Variants in MGARP observed in about 807,000 individuals in gnomAD.
The protein encoded by MGARP is mitochondria localized glutamic acid rich protein, also known as protein MGARP.
A neutral mutation model predicts 11.0 loss-of-function variants in MGARP; 12 were observed. That is an observed-to-expected ratio of 1.09 (90% confidence interval 0.70 to 1.77). The LOEUF (loss-of-function observed/expected upper bound fraction) is 1.77. Among genes scored for constraint, MGARP ranks in the 40% most tolerant of loss-of-function variants. The probability of loss-of-function intolerance (pLI) is 0.00; values close to 1 mark genes in which losing one functional copy is unlikely to be tolerated. For missense variants in MGARP, 283 were observed against 297.8 expected (o/e 0.95, Z 0.36); for synonymous variants, 110 against 115.4 (o/e 0.95, Z 0.30).
intron 1 of MGARP, among the ~76,000 whole-genome samples, chr4:139,279,050 G>A (rs910226089): frequency 2.6e-5 from 4 of 152,104 alleles, no homozygotes; most frequent in Admixed American, 2.0e-4. Flanking sequence ...ATCTCGGAAG[G>A]CTCAGAAAGT....
intron 1 of MGARP, among the ~76,000 whole-genome samples, chr4:139,276,148 C>T (rs983793592): frequency 1.3e-5 from 2 of 152,128 alleles, no homozygotes; most frequent in Admixed American, 1.3e-4. Flanking sequence ...ATATACAACT[C>T]AAATTCTTTA....
At chr4:139,272,744 TG>T in intron 2 of MGARP, among the ~76,000 whole-genome samples, 1 of 143,130 alleles carries the variant, frequency 7.0e-6, no homozygotes, top group Non-Finnish European at 1.5e-5. Flanking sequence ...CTGAGTGCAG[TG>T]GTGCAATCTT....
intron 2 of MGARP, among the ~76,000 whole-genome samples, chr4:139,273,180 C>T (rs141467054): frequency 4.9e-4 from 74 of 152,102 alleles, no homozygotes; most frequent in Middle Eastern, 3.4e-3. Flanking sequence ...GGATTATAGG[C>T]GTAAGCCACC....
intron 1 of MGARP, among the ~76,000 whole-genome samples, chr4:139,278,818 A>G (rs985751324): frequency 6.6e-6 from 1 of 152,234 alleles, no homozygotes; most frequent in Non-Finnish European, 1.5e-5. Context: ...AATAAAGGCA[A>G]TAAAGATCTA....
At chr4:139,272,728 C>T (rs1744804117) in intron 2 of MGARP, among the ~76,000 whole-genome samples, 1 of 137,008 alleles carries the variant, frequency 7.3e-6, no homozygotes, top group Non-Finnish European at 1.5e-5. Context: ...CACTCTGTCA[C>T]CCAGGCTGAG....
chr4:139,275,209 G>T, intron 2 of MGARP, 80 bp downstream of exon 2: 1 of 1,112,004 alleles, frequency 9.0e-7, no homozygotes, highest in Non-Finnish European at 1.4e-6. Flanking sequence ...CTCATGTCCT[G>T]ATCTTGACGT....
At position 139,272,976 on chromosome 4, in the gene MGARP, G is replaced by A. The variant is rs1457167252; in HGVS notation, c.186+2313C>T. Among the ~76,000 whole-genome samples, 4 of 151,936 alleles carry A rather than the reference G, an allele frequency of 2.6e-5. No homozygotes were observed. In the East Asian group the frequency reaches 5.8e-4, roughly 22 times the overall value. Reference sequence around the variant, plus strand: ...ACTGGGTTTACAGGTGTGAGCCACCGGCCCGGCTTTATTCATATTTCCGTA... The same window carrying A: ...ACTGGGTTTACAGGTGTGAGCCACCAGCCCGGCTTTATTCATATTTCCGTA... On this transcript the variant is annotated intron_variant, in intron 2 of 3. Transcript: ENST00000398955.
At chr4:139,271,450 C>T (rs55772422) in intron 2 of MGARP, among the ~76,000 whole-genome samples, 1,674 of 152,160 alleles carry the variant, frequency 0.011, 12 homozygotes, top group Non-Finnish European at 0.016. Context: ...CGCTTGAACC[C>T]GGGAGGCGGA....
intron 2 of MGARP, among the ~76,000 whole-genome samples, chr4:139,274,097 T>G (rs539661648): frequency 1.3e-5 from 2 of 151,708 alleles, no homozygotes; most frequent in Non-Finnish European, 2.9e-5. Context: ...AATTTAAAAC[T>G]AACAAAAATT....
chr4:139,278,090 G>C (rs1476509219), intron 1 of MGARP, among the ~76,000 whole-genome samples: 1 of 152,106 alleles, frequency 6.6e-6, no homozygotes, highest in Non-Finnish European at 1.5e-5. Flanking sequence ...AGCTGGGTGT[G>C]GTGGCCCGTG....
At chr4:139,279,680 A>G (rs1397707082) in intron 1 of MGARP, among the ~76,000 whole-genome samples, 1 of 152,196 alleles carries the variant, frequency 6.6e-6, no homozygotes, top group Non-Finnish European at 1.5e-5. Flanking sequence ...TTGGAGAGCG[A>G]ATGGTGCCTC....
Position 139,280,159 on chromosome 4 carries a change from C to G in MGARP, c.-1G>C. On this transcript the variant is annotated 5_prime_UTR_variant, in exon 1 of 4. Coordinates refer to ENST00000398955, the MANE Select transcript of MGARP (RefSeq NM_032623.4). Reference sequence around the variant, plus strand: ...TGGAGACCGCCCTGCGGAGATACATCGCGCCCGCTGTCCGCCGCGCAGCAG... The same window carrying G: ...TGGAGACCGCCCTGCGGAGATACATGGCGCCCGCTGTCCGCCGCGCAGCAG... 6.2e-7 allele frequency: 1 copy of G among 1,607,234 alleles called. No homozygotes were observed. The highest frequency in any genetic ancestry group is 1.7e-4 in the Middle Eastern group (1 of 6,022).
At chr4:139,276,546 C>A (rs1042998793) in intron 1 of MGARP, among the ~76,000 whole-genome samples, 1 of 152,136 alleles carries the variant, frequency 6.6e-6, no homozygotes, top group Non-Finnish European at 1.5e-5. Flanking sequence ...GGATGAATAT[C>A]CCTTATCTAA....
chr4:139,277,286 CACA>C (rs1194588057), intron 1 of MGARP, among the ~76,000 whole-genome samples: 6 of 152,150 alleles, frequency 3.9e-5, no homozygotes, highest in Non-Finnish European at 7.3e-5. Flanking sequence ...GTAGCAAAAT[CACA>C]ACGATTTCCT....
At chr4:139,278,584 G>T (rs1238243330) in intron 1 of MGARP, among the ~76,000 whole-genome samples, 2 of 150,996 alleles carry the variant, frequency 1.3e-5, no homozygotes, top group African/African-American at 2.4e-5. Flanking sequence ...AAAGGTGCGC[G>T]TGTGTGTGTG....
At position 139,280,110 on chromosome 4, in the gene MGARP, C is replaced by T. The variant is rs761832021; in HGVS notation, c.49G>A (p.Ala17Thr). 6.2e-7 allele frequency: 1 copy of T among 1,612,118 alleles called. No individual in the cohort carries two copies. Among genetic ancestry groups the T allele is most frequent in the Non-Finnish European group, 8.5e-7 (1 of 1,179,734 alleles). The change falls in exon 1 of 4, where the codon GCG (alanine) becomes ACG (threonine). Residue 17 changes from alanine (A) to threonine (T), a missense_variant. Coordinates refer to ENST00000398955, the MANE Select transcript of MGARP (RefSeq NM_032623.4). The part of the protein sequence containing the change: ...VSKTLALPLR[A>T]PPNPAPLGKD... ...CCGAGCGGCGCGGGGTTGGGGGGCG[C>T]CCTCAGCGGCAGCGCCAGAGTCTTG...
Position 139,266,996 on chromosome 4 carries a change from G to T in MGARP, c.326C>A (p.Ala109Asp), listed in dbSNP as rs1744709163. 5 of 1,614,024 alleles carry T rather than the reference G, an allele frequency of 3.1e-6. No individual in the cohort carries two copies. Among genetic ancestry groups the T allele is most frequent in the Non-Finnish European group, 4.2e-6 (5 of 1,179,988 alleles). Residue 109 changes from alanine to aspartate, a missense_variant, in exon 4 of 4, where the codon GCC (alanine) becomes GAC (aspartate). Coordinates refer to ENST00000398955, the MANE Select transcript of MGARP (RefSeq NM_032623.4). The stretch of plus-strand genomic sequence containing the variant: ...AGCTTCCACTATAAGTTCTTCTGGG[G>T]CTTCTGAACTTGCTTTCTCAGTTTC... ...VAETEKASSEAPEELIVEAEV... is the reference protein window; with the variant it reads ...VAETEKASSEDPEELIVEAEV...
chr4:139,273,498 A>C (rs1314314686), intron 2 of MGARP, among the ~76,000 whole-genome samples: 1 of 143,162 alleles, frequency 7.0e-6, no homozygotes, highest in Admixed American at 7.0e-5. Context: ...GAGCCACCGC[A>C]TTACTTTTAT....
At chr4:139,275,087 T>C (rs556915334) in intron 2 of MGARP, among the ~76,000 whole-genome samples, 1 of 152,330 alleles carries the variant, frequency 6.6e-6, no homozygotes, top group East Asian at 1.9e-4. Context: ...CATAATAGTC[T>C]AGCTAATATA....
Sources: gnomAD v4.1 joint callset for allele counts (sites outside exome capture counted in the v4.1 genomes callset) on GRCh38, gnomAD v4.1.1 for gene constraint, MANE v1.5 for transcripts, NCBI Gene and HGNC (gene_info 2026-07-23, HGNC 2026-07-21) for gene names.